The following DOP1A variants were observed in gnomAD, a reference collection of about 807,000 sequenced individuals.
DOP1A encodes protein DOP1A.
In DOP1A, 90 loss-of-function variants were observed where a neutral mutation model predicts 267.6. The observed-to-expected ratio is 0.34, with a 90% confidence interval of 0.28 to 0.40. The LOEUF is 0.40. Among genes scored for constraint, DOP1A ranks in the 10% least tolerant of loss-of-function variants. DOP1A has a pLI of 1.00. For synonymous variants in DOP1A, 932 were observed against 999.1 expected (o/e 0.93, Z 1.27); for missense variants, 2,437 against 2,900.4 (o/e 0.84, Z 3.67).
At chr6:83,125,411 TAAA>T (rs1442423553) in intron 14 of DOP1A, 86 bp from the exon 15 acceptor site, 15 of 1,232,742 alleles carry the variant, frequency 1.2e-5, no homozygotes, top group African/African-American at 6.1e-5. Flanking sequence ...TATGGATGAG[TAAA>T]ATCATTGCCT....
At chr6:83,164,022 C>A (rs1371857910) in intron 38 of DOP1A, among the ~76,000 whole-genome samples, 5 of 150,734 alleles carry the variant, frequency 3.3e-5, no homozygotes, top group African/African-American at 1.2e-4. Flanking sequence ...AACCTTTTGT[C>A]AAATTTTCTT....
intron 5 of DOP1A, among the ~76,000 whole-genome samples, chr6:83,109,894 C>T (rs1774260889): frequency 6.6e-6 from 1 of 152,098 alleles, no homozygotes; most frequent in Non-Finnish European, 1.5e-5. Flanking sequence ...CTGAACTTAA[C>T]AATGAAGTGA....
chr6:83,166,355 C>CTCTA lies in DOP1A; in HGVS notation c.7093-1506_7093-1503dup, dbSNP rs1192358293. On this transcript the variant is annotated intron_variant, in intron 38 of 38. Transcript: ENST00000349129. Reference sequence around the variant, plus strand: ...GCCACTGCACTCCTCATCTTCAAGGCTCTAGTCTCCTTTGCAAAACTTCTT... The same window carrying CTCTA: ...GCCACTGCACTCCTCATCTTCAAGGCTCTATCTAGTCTCCTTTGCAAAACTTCTT... 12 of 697,082 alleles carry CTCTA rather than the reference C, an allele frequency of 1.7e-5. No homozygotes were observed. In the East Asian group the frequency reaches 3.2e-4, roughly 19 times the overall value. 43.2% of individuals were successfully genotyped at this position (697,082 alleles called of 1,614,324 possible).
chr6:83,120,658 A>G (rs745741817), intron 9 of DOP1A, 25 bp from the exon 10 acceptor site: 1 of 1,488,828 alleles, frequency 6.7e-7, no homozygotes, highest in South Asian at 1.3e-5. Flanking sequence ...TACTTAAATG[A>G]CCAGTGTACT....
At chr6:83,135,528 C>T in intron 19 of DOP1A, 91 bp from the exon 20 acceptor site, 1 of 1,353,004 alleles carries the variant, frequency 7.4e-7, no homozygotes. Flanking sequence ...ATAGTTAATT[C>T]AAAATAAGAA....
At chr6:83,117,124 A>T (rs1428983945) in intron 7 of DOP1A, among the ~76,000 whole-genome samples, 2 of 138,400 alleles carry the variant, frequency 1.4e-5, no homozygotes, top group African/African-American at 2.9e-5. Context: ...GTACTTTTTT[A>T]TTTTATTTTA....
chr6:83,154,893 C>T lies in DOP1A; in HGVS notation c.6451+652C>T, dbSNP rs1003913782. Among the ~76,000 whole-genome samples, 6 of 152,184 alleles carry T rather than the reference C, an allele frequency of 3.9e-5. 1 individual carries two copies. Among genetic ancestry groups the T allele is most frequent in the Non-Finnish European group, 7.4e-5 (5 of 68,022 alleles). ...TTAACAAATTCTTTAGCTAAAGCTA[C>T]AGTTTTCTCATTTGGAAAAAGGGCA... is the stretch of plus-strand genomic sequence containing the variant. On this transcript the variant is annotated intron_variant, in intron 33 of 38. Coordinates refer to ENST00000349129, the MANE Select transcript of DOP1A (RefSeq NM_015018.4).
At position 83,145,610 on chromosome 6, in the gene DOP1A, G is replaced by T; in HGVS notation, c.5628G>T (p.Gln1876His). 1 of 1,613,566 alleles carries T rather than the reference G, an allele frequency of 6.2e-7. No homozygotes were observed. The highest frequency in any genetic ancestry group is 1.1e-5 in the South Asian group (1 of 91,062). The change falls in exon 25 of 39, where the codon CAG (glutamine) becomes CAT (histidine). Residue 1876 changes from glutamine to histidine, a missense_variant. Gln to His is a conservative substitution (Grantham distance 24, BLOSUM62 0). Around this residue, in one of 9 missense-constraint regions of DOP1A, gnomAD observed 307 missense variants for 308.6 expected, o/e 0.99. Coordinates refer to ENST00000349129, the MANE Select transcript of DOP1A (RefSeq NM_015018.4). Reference sequence around the variant, plus strand: ...TCATGAGAGCAGAAACTGTTATCCAGACTGTAAAAGAAGTTTTAAAGCAGC... The same window carrying T: ...TCATGAGAGCAGAAACTGTTATCCATACTGTAAAAGAAGTTTTAAAGCAGC... ...ISVMRAETVI[Q>H]TVKEVLKQPP... is the part of the protein sequence containing the mutation.
At chr6:83,070,525 G>A (rs1330965625) in intron 1 of DOP1A, among the ~76,000 whole-genome samples, 1 of 152,122 alleles carries the variant, frequency 6.6e-6, no homozygotes, top group Non-Finnish European at 1.5e-5. Context: ...ATGCACCCGT[G>A]TAGCTACCAC....
intron 18 of DOP1A, 62 bp downstream of exon 18, chr6:83,132,390 C>T: frequency 7.0e-7 from 1 of 1,429,316 alleles, no homozygotes. Context: ...CACACAAATA[C>T]TGAAAAGTAA....
chr6:83,154,321 G>A, intron 33 of DOP1A, 80 bp downstream of exon 33: 3 of 1,272,922 alleles, frequency 2.4e-6, no homozygotes, highest in Non-Finnish European at 3.4e-6. Flanking sequence ...CTTTTCTGGA[G>A]ACTAGGAGAC....
At chr6:83,166,721 C>CAAT (rs1333425660) in intron 38 of DOP1A, 1 of 1,201,294 alleles carries the variant, frequency 8.3e-7, no homozygotes, top group African/African-American at 1.6e-5. Context: ...TTAAAATAAG[C>CAAT]AATAAGCTTG....
intron 18 of DOP1A, among the ~76,000 whole-genome samples, chr6:83,132,610 A>C (rs1778251280): frequency 6.6e-6 from 1 of 152,160 alleles, no homozygotes; most frequent in Admixed American, 6.6e-5. Context: ...ACTGATGTTT[A>C]GTATTGGTGG....
intron 7 of DOP1A, among the ~76,000 whole-genome samples, chr6:83,115,717 CTGT>C (rs966186736): frequency 2.0e-5 from 3 of 152,108 alleles, no homozygotes; most frequent in Non-Finnish European, 4.4e-5. Flanking sequence ...GAGCAAGACT[CTGT>C]CTCAAAAAAA....
chr6:83,125,599 C>G lies in DOP1A; in HGVS notation c.1585C>G (p.Leu529Val). ...SHLQTLHLSELTDSLRLCSKI... is the reference protein window; with the variant it reads ...SHLQTLHLSEVTDSLRLCSKI... ...TCTCCAGACATTGCACTTATCTGAA[C>G]TCACAGATTCTCTCAGACTCTGCTC... The change falls in exon 15 of 39, where the codon CTC becomes GTC. Residue 529 changes from leucine (L) to valine (V), a missense_variant. Coordinates refer to ENST00000349129, the MANE Select transcript of DOP1A (RefSeq NM_015018.4). 1 of 1,613,850 alleles carries G rather than the reference C, an allele frequency of 6.2e-7. No homozygotes were observed. The highest frequency in any genetic ancestry group is 8.5e-7 in the Non-Finnish European group (1 of 1,179,794).
chr6:83,117,378 C>G (rs1413128000), intron 7 of DOP1A, among the ~76,000 whole-genome samples: 1 of 152,048 alleles, frequency 6.6e-6, no homozygotes, highest in African/African-American at 2.4e-5. Context: ...TCTAGATCTC[C>G]TGACCTTGTG....
At chr6:83,101,860 C>T (rs937307716) in intron 4 of DOP1A, among the ~76,000 whole-genome samples, 1 of 152,142 alleles carries the variant, frequency 6.6e-6, no homozygotes, top group African/African-American at 2.4e-5. Flanking sequence ...ACATAGTTAC[C>T]TATTTTTTGT....
rs780261635 is a variant in DOP1A at position 83,110,084 on chromosome 6, C to T, written c.492-41C>T. On this transcript the variant is annotated intron_variant, in intron 5 of 38. Transcript: ENST00000349129. ...ATGATTTATTTTTTAAAATATGAAA[C>T]TAAATGTTTCCCTTCTTAAACCACT... The T allele has an allele frequency of 8.7e-6, 13 of 1,497,706 alleles. No homozygotes were observed. In the East Asian group the frequency reaches 2.9e-4, roughly 33 times the overall value. 92.8% of individuals were successfully genotyped at this position (1,497,706 alleles called of 1,614,324 possible). A position where few individuals can be genotyped will look rare whatever the true frequency, so the allele number is the denominator to read the frequency against.
At position 83,139,146 on chromosome 6, in the gene DOP1A, G is replaced by C; in HGVS notation, c.5104G>C (p.Gly1702Arg). 1 of 1,611,644 alleles carries C rather than the reference G, an allele frequency of 6.2e-7. No homozygotes were observed. The highest frequency in any genetic ancestry group is 8.5e-7 in the Non-Finnish European group (1 of 1,178,278). ...AATTCAGCAGTACAAATACGAAACA[G>C]GATTATCTGATAGTAGGTAAGAGGT... ...NLIQQYKYET[G>R]LSDSRPLWMA... The change falls in exon 21 of 39, where the codon GGA becomes CGA. Residue 1702 changes from glycine to arginine, a missense_variant. By Grantham distance (125) the Gly-to-Arg change is moderately radical. Transcript: ENST00000349129.
Sources: gnomAD v4.1 joint callset for allele counts (sites outside exome capture counted in the v4.1 genomes callset) on GRCh38, gnomAD v4.1.1 for gene constraint, gnomAD v4.1.1 regional missense constraint, MANE v1.5 for transcripts, NCBI Gene and HGNC (gene_info 2026-07-23, HGNC 2026-07-21) for gene names.